The following PDXDC1 variants were observed in gnomAD, a reference collection of about 807,000 sequenced individuals.
PDXDC1 encodes the protein pyridoxal dependent decarboxylase domain containing 1, also known as pyridoxal-dependent decarboxylase domain-containing protein 1.
Under a neutral mutation model 100.1 loss-of-function variants are expected in PDXDC1, and 42 were observed. The ratio of observed to expected loss-of-function variants is 0.42; its 90% CI spans 0.33 to 0.54. The LOEUF is 0.54. PDXDC1 is among the 20% of genes least tolerant of loss of function. PDXDC1 has a pLI of 0.10. For synonymous variants in PDXDC1, 260 were observed against 371.7 expected (o/e 0.70, Z 3.46); for missense variants, 636 against 979.2 (o/e 0.65, Z 4.68).
chr16:15,092,528 A>C (rs1376896157), intron 16 of PDXDC1: 1 of 1,612,468 alleles, frequency 6.2e-7, no homozygotes. Flanking sequence ...CTTCAGCAAG[A>C]CTTCTGTCAC....
At chr16:15,088,140 C>T (rs575067771) in intron 16 of PDXDC1, among the ~76,000 whole-genome samples, 1 of 151,744 alleles carries the variant, frequency 6.6e-6, no homozygotes, top group South Asian at 2.1e-4. Flanking sequence ...AAAAGTAAAT[C>T]AGTTGCAGAC....
chr16:15,023,188 A>G (rs1316852020), intron 13 of PDXDC1, among the ~76,000 whole-genome samples: 1 of 152,294 alleles, frequency 6.6e-6, no homozygotes. Flanking sequence ...TGGGAGAAAG[A>G]GAAAAGCAAA....
intron 16 of PDXDC1, among the ~76,000 whole-genome samples, chr16:15,096,529 C>G (rs2046360740): frequency 6.6e-6 from 1 of 152,218 alleles, no homozygotes; most frequent in South Asian, 2.1e-4. Flanking sequence ...CAGGAATCAT[C>G]TGTGTCTCAA....
upstream of PDXDC1, chr16:14,974,815 A>G (rs1382661176): frequency 2.0e-6 from 3 of 1,535,386 alleles, no homozygotes; most frequent in African/African-American, 4.1e-5. Flanking sequence ...GTGCGTCACT[A>G]GTATTTCCAG....
chr16:15,137,572 T>C (rs2048387629), intron 16 of PDXDC1: 8 of 1,245,594 alleles, frequency 6.4e-6, no homozygotes, highest in Non-Finnish European at 9.1e-6. Context: ...CCCCGGGTTC[T>C]GCTCCTCCTG....
intron 16 of PDXDC1, chr16:15,048,210 G>A (rs980431442): frequency 5.8e-6 from 4 of 691,880 alleles, no homozygotes; most frequent in African/African-American, 1.8e-5. Context: ...GCTAGTGTGT[G>A]GGGAGTGTGT....
intron 16 of PDXDC1, among the ~76,000 whole-genome samples, chr16:15,084,877 C>T (rs1173579567): frequency 6.6e-6 from 1 of 152,084 alleles, no homozygotes; most frequent in Non-Finnish European, 1.5e-5. Context: ...ACCAGCCTGA[C>T]CAATATGGTG....
chr16:15,022,218 A>G (rs1303237316), intron 12 of PDXDC1, among the ~76,000 whole-genome samples: 14 of 152,288 alleles, frequency 9.2e-5, no homozygotes, highest in African/African-American at 3.4e-4. Context: ...TGAGATACAT[A>G]CTATCCTCCC....
Position 14,994,789 on chromosome 16 carries a change from A to G in PDXDC1, c.22-2964A>G, listed in dbSNP as rs28807078. Among the ~76,000 whole-genome samples the G allele has an allele frequency of 9.4e-3, 1,431 of 152,384 alleles. 23 individuals carry two copies. Among genetic ancestry groups the G allele is most frequent in the African/African-American group, 0.032 (1,343 of 41,590 alleles). On this transcript the variant is annotated intron_variant, in intron 1 of 22. Transcript: ENST00000396410. ...ACCCATGAGTGTGGAATGTTCTTCC[A>G]TTTGTTTGTATCCTCTTTTATTTCA...
downstream of PDXDC1, among the ~76,000 whole-genome samples, chr16:15,141,474 G>A (rs1354003416): frequency 6.6e-6 from 1 of 152,214 alleles, no homozygotes; most frequent in East Asian, 1.9e-4. Context: ...GCGGATGGAG[G>A]GCACGGTTGG....
intron 16 of PDXDC1, among the ~76,000 whole-genome samples, chr16:15,087,382 T>C (rs1187522257): frequency 6.6e-6 from 1 of 152,156 alleles, no homozygotes; most frequent in East Asian, 1.9e-4. Flanking sequence ...GAACGATTAA[T>C]AAGCAATCTG....
At chr16:15,097,566 C>T (rs539454367) in intron 16 of PDXDC1, among the ~76,000 whole-genome samples, 20 of 150,334 alleles carry the variant, frequency 1.3e-4, no homozygotes, top group South Asian at 6.3e-4. Context: ...GGCATGAACC[C>T]GAGAGGTGGA....
intron 16 of PDXDC1, chr16:15,125,621 T>C: frequency 8.5e-7 from 1 of 1,175,006 alleles, no homozygotes; most frequent in Non-Finnish European, 1.3e-6. Flanking sequence ...GTGCACAGTG[T>C]CTGGAGTCCA....
chr16:15,148,528 G>A, the PDXDC1 span, among the ~76,000 whole-genome samples: 2 of 151,376 alleles, frequency 1.3e-5, no homozygotes, highest in African/African-American at 4.9e-5. Context: ...GACCACAGAT[G>A]CACACCACCA....
chr16:15,131,127 C>T (rs769580874), intron 16 of PDXDC1: 43 of 1,603,418 alleles, frequency 2.7e-5, no homozygotes, highest in Admixed American at 8.4e-5. Context: ...GCAGCACGGC[C>T]GCAGGGTTGC....
At chr16:15,078,971 C>G (rs1052318202) in intron 16 of PDXDC1, among the ~76,000 whole-genome samples, 26 of 151,984 alleles carry the variant, frequency 1.7e-4, no homozygotes, top group Non-Finnish European at 2.6e-4. Flanking sequence ...ACCACCATAC[C>G]CGGCCAATTT....
chr16:15,101,174 G>A (rs563493250), intron 16 of PDXDC1, among the ~76,000 whole-genome samples: 13 of 152,166 alleles, frequency 8.5e-5, no homozygotes, highest in Non-Finnish European at 1.6e-4. Flanking sequence ...CGGTGTACAG[G>A]ACAGGGCAGG....
At position 15,031,745 on chromosome 16, in the gene PDXDC1, T is replaced by G; in HGVS notation, c.1410T>G (p.Thr470=). 1 of 1,610,518 alleles carries G rather than the reference T, an allele frequency of 6.2e-7. No individual in the cohort carries two copies. The highest frequency in any genetic ancestry group is 8.5e-7 in the Non-Finnish European group (1 of 1,177,200). ...TGTGAACATCTTCAGTTTTAGGAAC[T>G]CGGGGAGAGGATGTGGATCAGCTCG... ...SPLMTAAVLG[T]RGEDVDQLVA... is the part of the protein sequence containing the mutation. Residue 470 remains threonine, a synonymous_variant, in exon 17 of 23, where the codon ACT becomes ACG. Coordinates refer to ENST00000396410, the MANE Select transcript of PDXDC1 (RefSeq NM_015027.4).
At chr16:15,097,348 GAC>G (rs2046392071) in intron 16 of PDXDC1, among the ~76,000 whole-genome samples, 1 of 151,346 alleles carries the variant, frequency 6.6e-6, no homozygotes, top group South Asian at 2.1e-4. Context: ...TAATGGGCCA[GAC>G]ACAGCGGCTC....
Sources: allele counts gnomAD v4.1 joint callset (sites outside exome capture counted in the v4.1 genomes callset), GRCh38; gene constraint gnomAD v4.1.1; transcripts MANE v1.5; gene names NCBI Gene and HGNC (gene_info 2026-07-23, HGNC 2026-07-21).